Variants in HERC6 observed in about 807,000 individuals in gnomAD.
HERC6 encodes probable E3 ubiquitin-protein ligase HERC6.
Under a neutral mutation model 114.5 loss-of-function variants are expected in HERC6, and 101 were observed. The ratio of observed to expected loss-of-function variants is 0.88; its 90% CI spans 0.75 to 1.04. HERC6 has a LOEUF of 1.04. Among genes scored for constraint, HERC6 ranks in the 50% least tolerant of loss-of-function variants. HERC6 has a pLI of 0.00. For missense variants in HERC6, 1,133 were observed against 1,230.9 expected, an observed-to-expected ratio of 0.92 and a Z score of 1.19; for synonymous variants, 408 against 436.2, an observed-to-expected ratio of 0.94 and a Z score of 0.81.
intron 4 of HERC6, among the ~76,000 whole-genome samples, chr4:88,391,581 A>G (rs1249810864): frequency 6.6e-6 from 1 of 152,170 alleles, no homozygotes; most frequent in Non-Finnish European, 1.5e-5. Flanking sequence ...TACCTATTAA[A>G]TCAGAATGTC....
At chr4:88,385,454 C>A in intron 2 of HERC6, 45 bp from the exon 3 acceptor site, 1 of 911,652 alleles carries the variant, frequency 1.1e-6, no homozygotes, top group Non-Finnish European at 1.7e-6. Context: ...CCGGACAACT[C>A]GCTCTAAATA....
At chr4:88,410,336 T>C (rs758885903) in intron 11 of HERC6, among the ~76,000 whole-genome samples, 2 of 152,188 alleles carry the variant, frequency 1.3e-5, no homozygotes, top group Admixed American at 6.5e-5. Context: ...GCTTTTGAGT[T>C]TCTGATTAGC....
At chr4:88,390,094 G>A (rs1281061754) in intron 3 of HERC6, among the ~76,000 whole-genome samples, 1 of 144,304 alleles carries the variant, frequency 6.9e-6, no homozygotes, top group African/African-American at 2.6e-5. Flanking sequence ...CAGGAGAATC[G>A]CTTGAAACCA....
At position 88,417,445 on chromosome 4, in the gene HERC6, CA is replaced by C; in HGVS notation, c.1581del (p.Glu528AsnfsTer4). 4 of 1,609,760 alleles carry C rather than the reference CA, an allele frequency of 2.5e-6. No individual in the cohort carries two copies. Among genetic ancestry groups the C allele is most frequent in the Non-Finnish European group, 3.4e-6 (4 of 1,177,950 alleles). On this transcript the variant is annotated frameshift_variant, in exon 13 of 23. Coordinates refer to ENST00000264346, the MANE Select transcript of HERC6 (RefSeq NM_017912.4). LOFTEE classifies it high-confidence loss of function. ...CCCAGAGAAGTGTTGGGCATTTTTG[CA>C]AGAATCTTCTCTGAATCCGCTGATC... Reference protein sequence around the residue: ...QVLKKCWAFLQESSLNPLIQM... With the variant: ...QVLKKCWAFLXESSLNPLIQM...
chr4:88,404,835 G>C (rs1031005593), intron 8 of HERC6, 41 bp from the exon 9 acceptor site: 1 of 1,607,176 alleles, frequency 6.2e-7, no homozygotes, highest in Non-Finnish European at 8.5e-7. Flanking sequence ...TACTGAACGT[G>C]TGTGTGTTCC....
rs1387538186 is a variant in HERC6, at chr4:88,383,348, T to A, written c.327T>A (p.Ile109=). The A allele has an allele frequency of 2.0e-6, 3 of 1,524,264 alleles. No homozygotes were observed. In the African/African-American group the frequency reaches 4.2e-5, roughly 21 times the overall value. The allele number at this position is 1,524,264 out of a possible 1,614,324, so 94.4% of individuals were successfully genotyped here. A position where few individuals can be genotyped will look rare whatever the true frequency, so the allele number is the denominator to read the frequency against. The change falls in exon 2 of 23, where the codon ATT becomes ATA. Residue 109 remains isoleucine, a synonymous_variant. Transcript: ENST00000264346. ...WGAGSEGQLG[I]GEFKEISFTP... is the part of the protein sequence containing the mutation. ...CTGGTTCTGAAGGGCAGCTGGGGAT[T>A]GGAGAATTCAAGGAAATAAGTTTCA...
At chr4:88,410,531 C>G (rs570725896) in intron 11 of HERC6, among the ~76,000 whole-genome samples, 1 of 152,096 alleles carries the variant, frequency 6.6e-6, no homozygotes, top group Non-Finnish European at 1.5e-5. Context: ...TCTCTGGGGT[C>G]TCTTTTGTAA....
At chr4:88,396,426 A>G (rs575921327) in intron 6 of HERC6, among the ~76,000 whole-genome samples, 160 of 152,298 alleles carry the variant, frequency 1.1e-3, no homozygotes, top group Middle Eastern at 3.4e-3. Context: ...GCTTAAGTTG[A>G]TAAGACAAAA....
At chr4:88,395,532 T>C (rs1373615079) in intron 5 of HERC6, among the ~76,000 whole-genome samples, 3 of 152,236 alleles carry the variant, frequency 2.0e-5, no homozygotes, top group East Asian at 3.8e-4. Context: ...AGTTAACATA[T>C]GTATCACCTC....
Position 88,379,089 on chromosome 4 carries a change from C to G in HERC6, c.168C>G (p.Gly56=), listed in dbSNP as rs61978650. Residue 56 remains glycine (G), a synonymous_variant, in exon 1 of 23, where the codon GGC becomes GGG. Transcript: ENST00000264346. The part of the protein sequence containing the change: ...SCGDNSRGQL[G]RRGAQRGELP... ...GAGACAACAGCAGGGGTCAGCTGGG[C>G]CGCAGGGGCGCGCAGCGCGGGGAGC... The G allele has an allele frequency of 1.9e-6, 3 of 1,546,668 alleles. No individual in the cohort carries two copies. The African/African-American group carries it at 4.1e-5, about 21-fold the overall frequency.
chr4:88,416,966 A>T (rs1321134916), intron 12 of HERC6, among the ~76,000 whole-genome samples: 1 of 152,198 alleles, frequency 6.6e-6, no homozygotes, highest in Non-Finnish European at 1.5e-5. Context: ...ATTATTGGCT[A>T]TTTTAAAAAG....
At chr4:88,429,989 G>A (rs1738021062) in intron 16 of HERC6, among the ~76,000 whole-genome samples, 1 of 152,172 alleles carries the variant, frequency 6.6e-6, no homozygotes, top group Admixed American at 6.5e-5. Flanking sequence ...AGACTTGCTA[G>A]TATAAATGAG....
intron 13 of HERC6, among the ~76,000 whole-genome samples, chr4:88,421,959 G>C (rs1175200469): frequency 1.3e-5 from 2 of 152,062 alleles, no homozygotes; most frequent in South Asian, 2.1e-4. Flanking sequence ...TAGTTTATTA[G>C]TCTTTTTATT....
chr4:88,429,267 T>C (rs1043216872), intron 16 of HERC6, among the ~76,000 whole-genome samples: 1 of 152,158 alleles, frequency 6.6e-6, no homozygotes, highest in African/African-American at 2.4e-5. Context: ...ATTGCTTTAG[T>C]CAAAGCAGTC....
In HERC6 at chr4:88,378,987, G is replaced by C; in HGVS notation, c.66G>C (p.Gly22=). The change falls in exon 1 of 23, where the codon GGG becomes GGC. Residue 22 remains glycine (G), a synonymous_variant. Coordinates refer to ENST00000264346, the MANE Select transcript of HERC6 (RefSeq NM_017912.4). ...LQRRRTAGSP[G]AELLQAASGE... is the part of the protein sequence containing the mutation. ...GCCGGAGGACGGCGGGCAGCCCCGG[G>C]GCTGAGCTACTGCAGGCGGCCAGCG... 6.3e-7 allele frequency: 1 copy of C among 1,581,880 alleles called. No homozygotes were observed. Among genetic ancestry groups the C allele is most frequent in the Non-Finnish European group, 8.6e-7 (1 of 1,165,492 alleles).
chr4:88,401,665 G>C (rs887039466), intron 8 of HERC6, among the ~76,000 whole-genome samples: 1 of 152,140 alleles, frequency 6.6e-6, no homozygotes, highest in Non-Finnish European at 1.5e-5. Flanking sequence ...ATGGTGGGAA[G>C]GTGATTAGTT....
rs536132281 is a variant in HERC6, at chr4:88,440,369, G to A, written c.2842+119G>A. 596 of 642,984 alleles carry A rather than the reference G, an allele frequency of 9.3e-4. 3 individuals carry two copies. Among genetic ancestry groups the A allele is most frequent in the Middle Eastern group, 4.4e-3 (11 of 2,494 alleles). 39.8% of individuals were successfully genotyped at this position (642,984 alleles called of 1,614,324 possible). On this transcript the variant is annotated intron_variant, in intron 22 of 22. Coordinates refer to ENST00000264346, the MANE Select transcript of HERC6 (RefSeq NM_017912.4). ...TCTGGGGTGACACCCAAGGTTCTTT[G>A]TCTCACAGCCATGGAGATCAAGGAC...
At chr4:88,428,536 A>G (rs780769377) in intron 15 of HERC6, 44 bp from the exon 16 acceptor site, 4 of 1,457,594 alleles carry the variant, frequency 2.7e-6, no homozygotes, top group South Asian at 1.4e-5. Context: ...TGGGATTCCT[A>G]TGAGGTCAAA....
Position 88,442,478 on chromosome 4 carries a change from A to C in HERC6, c.*18A>C. ...AGTCATAATCACCTCTGAGAGACTCAGGGTGGGCTTTCTCACACTTGGATC... is the reference window on the plus strand; with the variant it reads ...AGTCATAATCACCTCTGAGAGACTCCGGGTGGGCTTTCTCACACTTGGATC... On this transcript the variant is annotated 3_prime_UTR_variant, in exon 23 of 23. Coordinates refer to ENST00000264346, the MANE Select transcript of HERC6 (RefSeq NM_017912.4). 3 of 1,569,770 alleles carry C rather than the reference A, an allele frequency of 1.9e-6. No homozygotes were observed. Among genetic ancestry groups the C allele is most frequent in the Non-Finnish European group, 2.6e-6 (3 of 1,141,778 alleles).
Sources: gnomAD v4.1 joint callset for allele counts (sites outside exome capture counted in the v4.1 genomes callset) on GRCh38, gnomAD v4.1.1 for gene constraint, MANE v1.5 for transcripts, NCBI Gene and HGNC (gene_info 2026-07-23, HGNC 2026-07-21) for gene names.